The following NFYC variants were observed in gnomAD, a reference collection of about 807,000 sequenced individuals.
NFYC encodes the protein nuclear transcription factor Y subunit gamma, also known as CAAT box DNA-binding protein subunit C.
In NFYC, 25 loss-of-function variants were observed where a neutral mutation model predicts 53.1. The observed-to-expected ratio is 0.47, with a 90% confidence interval of 0.34 to 0.66. NFYC has a LOEUF of 0.66. Ranked by LOEUF, NFYC falls within the 30% of genes least tolerant of loss-of-function variation. NFYC has a pLI of 0.01. For missense variants in NFYC, 260 were observed against 422.7 expected (o/e 0.62, Z 3.38); for synonymous variants, 145 against 152.6 (o/e 0.95, Z 0.37).
chr1:40,740,973 T>G (rs1557843687), intron 2 of NFYC, among the ~76,000 whole-genome samples: 1 of 152,064 alleles, frequency 6.6e-6, no homozygotes, highest in Non-Finnish European at 1.5e-5. Context: ...ATTTCGCCCC[T>G]TATCCATTTT....
Position 40,711,529 on chromosome 1 carries a change from G to C in NFYC, c.-9+19662G>C, listed in dbSNP as rs183062153. Among the ~76,000 whole-genome samples the C allele has an allele frequency of 2.1e-3, 318 of 152,244 alleles. 5 individuals are homozygous for C. Among genetic ancestry groups the C allele is most frequent in the Admixed American group, 0.018 (278 of 15,290 alleles). ...TAAACTTGAGAACTTTGTGGATTTGGCTTCTTGGAAAGATGCCCAGTCACT... is the reference window on the plus strand; with the variant it reads ...TAAACTTGAGAACTTTGTGGATTTGCCTTCTTGGAAAGATGCCCAGTCACT... On this transcript the variant is annotated intron_variant, in intron 1 of 9. Coordinates refer to ENST00000447388, the MANE Select transcript of NFYC (RefSeq NM_014223.5).
chr1:40,715,775 G>A (rs1644112736), intron 1 of NFYC, among the ~76,000 whole-genome samples: 1 of 151,908 alleles, frequency 6.6e-6, no homozygotes, highest in Non-Finnish European at 1.5e-5. Flanking sequence ...GAAGGATAAG[G>A]AATGAAGGTA....
chr1:40,701,337 A>G (rs141467393), intron 1 of NFYC, among the ~76,000 whole-genome samples: 247 of 151,852 alleles, frequency 1.6e-3, no homozygotes, highest in African/African-American at 5.8e-3. Flanking sequence ...CTGGTCTCAA[A>G]CTCCTGACTT....
chr1:40,738,960 T>A lies in NFYC; in HGVS notation c.105+12T>A. 6.3e-7 allele frequency: 1 copy of A among 1,575,972 alleles called. No individual in the cohort carries two copies. Among genetic ancestry groups the A allele is most frequent in the South Asian group, 1.1e-5 (1 of 90,258 alleles). ...GGAATTTAACAGTGGTGAGGAAGAA[T>A]GAGAAACTTTTATTAGAAACTTTTA... On this transcript the variant is annotated intron_variant, in intron 2 of 9. Transcript: ENST00000447388.
intron 8 of NFYC, chr1:40,767,094 T>A: frequency 9.9e-7 from 1 of 1,005,200 alleles, no homozygotes; most frequent in Non-Finnish European, 1.5e-6. Flanking sequence ...TTGGAAAGCT[T>A]ACTTAGATTT....
At position 40,727,705 on chromosome 1, in the gene NFYC, A is replaced by G. The variant is rs539657070; in HGVS notation, c.-8-11131A>G. On this transcript the variant is annotated intron_variant, in intron 1 of 9. Transcript: ENST00000447388. ...ACCACCATGCCCGGCTAATTTTTGT[A>G]TTTTTTTAGTAGAGACAGGGTTTCA... Among the ~76,000 whole-genome samples, 18 of 150,264 alleles carry G rather than the reference A, an allele frequency of 1.2e-4. No homozygotes were observed. The East Asian group carries it at 3.6e-3, about 30-fold the overall frequency.
rs115319454 is a variant in NFYC at position 40,716,381 on chromosome 1, G to A, written c.-8-22455G>A. 5.9e-3 allele frequency among the ~76,000 whole-genome samples: 892 copies of A among 152,298 alleles called. 11 individuals are homozygous for A. Among genetic ancestry groups the A allele is most frequent in the African/African-American group, 0.02 (841 of 41,546 alleles). On this transcript the variant is annotated intron_variant, in intron 1 of 9. Transcript: ENST00000447388. ...AACAAGCAAGATCATGATTCAAAAA[G>A]TACATCTTGGGTTAAGGAGAGCAGT...
At chr1:40,725,994 A>C (rs1477755067) in intron 1 of NFYC, among the ~76,000 whole-genome samples, 1 of 152,228 alleles carries the variant, frequency 6.6e-6, no homozygotes, top group Non-Finnish European at 1.5e-5. Context: ...AACTTGCAGC[A>C]AGTCATAACC....
At chr1:40,700,337 AT>A (rs1399794872) in intron 1 of NFYC, among the ~76,000 whole-genome samples, 1 of 151,858 alleles carries the variant, frequency 6.6e-6, no homozygotes, top group Non-Finnish European at 1.5e-5. Context: ...TTTATTTTTT[AT>A]TTTACTTTAA....
chr1:40,715,458 G>T (rs1447566760), intron 1 of NFYC, among the ~76,000 whole-genome samples: 1 of 151,204 alleles, frequency 6.6e-6, no homozygotes, highest in African/African-American at 2.4e-5. Context: ...TCCCTGGCTG[G>T]TCTCGAACTC....
rs570628000 is a variant in NFYC, at chr1:40,735,592, A to G, written c.-8-3244A>G. ...CCAGAATTTGTTACCAGACTTTTAA[A>G]TCGTACAGGTCTTTGTACTCCAACT... On this transcript the variant is annotated intron_variant, in intron 1 of 9. Coordinates refer to ENST00000447388, the MANE Select transcript of NFYC (RefSeq NM_014223.5). 4.1e-6 allele frequency: 4 copies of G among 985,408 alleles called. No homozygotes were observed. In the Admixed American group the frequency reaches 1.8e-4, roughly 45 times the overall value. 61.0% of individuals were successfully genotyped at this position (985,408 alleles called of 1,614,324 possible).
intron 6 of NFYC, 38 bp downstream of exon 6, chr1:40,758,332 G>C (rs766250279): frequency 4.5e-6 from 7 of 1,569,274 alleles, no homozygotes; most frequent in Non-Finnish European, 4.3e-6. Flanking sequence ...CAGCAAGACA[G>C]TGCCCCTTAG....
At chr1:40,729,935 C>T (rs1237298494) in intron 1 of NFYC, among the ~76,000 whole-genome samples, 1 of 152,172 alleles carries the variant, frequency 6.6e-6, no homozygotes, top group East Asian at 1.9e-4. Flanking sequence ...CTCGGCCTCC[C>T]AAAGTGCTGG....
At chr1:40,769,120 G>T in intron 8 of NFYC, 1 of 495,964 alleles carries the variant, frequency 2.0e-6, no homozygotes, top group Non-Finnish European at 3.7e-6. Context: ...AGATGGGTGT[G>T]GGAACTATCT....
intron 7 of NFYC, 81 bp from the exon 8 acceptor site, chr1:40,766,515 A>C (rs1462849517): frequency 1.9e-6 from 2 of 1,051,946 alleles, no homozygotes; most frequent in African/African-American, 3.2e-5. Context: ...GGGGCAATCA[A>C]CATCTCTGGT....
At position 40,770,899 on chromosome 1, in the gene NFYC, C is replaced by T. The variant is rs575744434; in HGVS notation, c.*71C>T. Reference sequence around the variant, plus strand: ...ATACAGCCCCAGGCAATGGGCACAGCCTTCCTCCCCAGAGGACCCGGCCGA... The same window carrying T: ...ATACAGCCCCAGGCAATGGGCACAGTCTTCCTCCCCAGAGGACCCGGCCGA... On this transcript the variant is annotated 3_prime_UTR_variant, in exon 10 of 10. Transcript: ENST00000447388. The surrounding 1 kb of genome is among the most constrained non-coding windows in gnomAD (Gnocchi z 5.3). The T allele has an allele frequency of 8.0e-5, 124 of 1,542,544 alleles. 1 individual carries two copies. In the South Asian group the frequency reaches 1.3e-3, roughly 16 times the overall value.
chr1:40,704,350 C>T (rs994580008), intron 1 of NFYC, among the ~76,000 whole-genome samples: 3 of 152,200 alleles, frequency 2.0e-5, no homozygotes, highest in Non-Finnish European at 4.4e-5. Context: ...GTATTACAGG[C>T]GTGAGCCACA....
At chr1:40,750,398 A>G (rs1474409355) in intron 4 of NFYC, among the ~76,000 whole-genome samples, 2 of 152,192 alleles carry the variant, frequency 1.3e-5, no homozygotes, top group Non-Finnish European at 2.9e-5. Context: ...TAGAAAATGC[A>G]TGTGTTTATT....
chr1:40,749,618 A>G lies in NFYC; in HGVS notation c.223A>G (p.Ile75Val). 1 of 1,614,144 alleles carries G rather than the reference A, an allele frequency of 6.2e-7. No homozygotes were observed. Among genetic ancestry groups the G allele is most frequent in the Non-Finnish European group, 8.5e-7 (1 of 1,180,012 alleles). Residue 75 changes from isoleucine to valine, a missense_variant, in exon 4 of 10, where the codon ATT (isoleucine) becomes GTT (valine). By Grantham distance (29) the Ile-to-Val change is conservative. Transcript: ENST00000447388. Reference sequence around the variant, plus strand: ...TGTACTCTTTGCCAAGGCAGCCCAGATTTTTATCACAGAGTTGACTCTTCG... The same window carrying G: ...TGTACTCTTTGCCAAGGCAGCCCAGGTTTTTATCACAGAGTTGACTCTTCG... ...APVLFAKAAQ[I>V]FITELTLRAW... is the part of the protein sequence containing the mutation.
Sources: allele counts gnomAD v4.1 joint callset (sites outside exome capture counted in the v4.1 genomes callset), GRCh38; gene constraint gnomAD v4.1.1; non-coding constraint Gnocchi (gnomAD v3.1); transcripts MANE v1.5; gene names NCBI Gene and HGNC (gene_info 2026-07-23, HGNC 2026-07-21).